NIPBL: variants seen among roughly 807,000 people sequenced by gnomAD.
NIPBL encodes NIPBL cohesin loading factor.
NIPBL carries 19 observed loss-of-function variants against 321.8 expected under a neutral mutation model. The ratio of observed to expected loss-of-function variants is 0.06; its 90% CI spans 0.04 to 0.09. The LOEUF is 0.09. Among genes scored for constraint, NIPBL ranks in the 10% least tolerant of loss-of-function variants. The probability of loss-of-function intolerance (pLI) is 1.00; values close to 1 mark genes in which losing one functional copy is unlikely to be tolerated. For missense variants in NIPBL, 2,210 were observed against 3,327.0 expected, an observed-to-expected ratio of 0.66 and a Z score of 8.26; for synonymous variants, 1,106 against 1,114.1, an observed-to-expected ratio of 0.99 and a Z score of 0.14.
chr5:37,059,150 G>C lies in NIPBL; in HGVS notation c.7670G>C (p.Cys2557Ser). 6.2e-7 allele frequency: 1 copy of C among 1,614,120 alleles called. No homozygotes were observed. Among genetic ancestry groups the C allele is most frequent in the Non-Finnish European group, 8.5e-7 (1 of 1,180,008 alleles). The change falls in exon 44 of 47, where the codon TGT becomes TCT. Residue 2557 changes from cysteine to serine, a missense_variant. Physicochemically the swap from Cys to Ser is moderately radical, Grantham distance 112. Coordinates refer to ENST00000282516, the MANE Select transcript of NIPBL (RefSeq NM_133433.4). The stretch of plus-strand genomic sequence containing the variant: ...TTAAAACAACATTTGAAGAATCTTT[G>C]TGGATTTTCTGATAGGTAAGGTTAC... ...LMLKQHLKNL[C>S]GFSDSKIQKY... is the part of the protein sequence containing the mutation.
chr5:37,006,417 A>C lies in NIPBL; in HGVS notation c.3916A>C (p.Lys1306Gln), dbSNP rs770047320. 2 of 1,612,976 alleles carry C rather than the reference A, an allele frequency of 1.2e-6. No individual in the cohort carries two copies. The highest frequency in any genetic ancestry group is 1.7e-6 in the Non-Finnish European group (2 of 1,179,112). Residue 1306 changes from lysine to glutamine, a missense_variant, in exon 17 of 47, where the codon AAA becomes CAA. Lys to Gln is a moderately conservative substitution (Grantham distance 53, BLOSUM62 1). Around this residue, in one of 14 missense-constraint regions of NIPBL, gnomAD observed 381 missense variants for 642.3 expected, o/e 0.59. Transcript: ENST00000282516. ...AGACCTTATTATGGAGAGAGTTACA[A>C]AATCAGCGGATGCTTGTCTTACAAC... is the stretch of plus-strand genomic sequence containing the variant. Reference protein sequence around the residue: ...WRDLIMERVTKSADACLTTIN... With the variant: ...WRDLIMERVTQSADACLTTIN...
In NIPBL at chr5:36,962,171, G is replaced by A; in HGVS notation, c.507G>A (p.Gln169=). 6.2e-7 allele frequency: 1 copy of A among 1,614,080 alleles called. No homozygotes were observed. Among genetic ancestry groups the A allele is most frequent in the Non-Finnish European group, 8.5e-7 (1 of 1,179,992 alleles). The change falls in exon 6 of 47, where the codon CAG becomes CAA. Residue 169 remains glutamine (Q), a synonymous_variant. Coordinates refer to ENST00000282516, the MANE Select transcript of NIPBL (RefSeq NM_133433.4). ...QTSSGNRFMP[Q]QNSPVPSPYA... is the part of the protein sequence containing the mutation. Reference sequence around the variant, plus strand: ...GCTCTGGGAACAGATTTATGCCACAGCAAAATAGCCCAGTGCCTAGTCCAT... The same window carrying A: ...GCTCTGGGAACAGATTTATGCCACAACAAAATAGCCCAGTGCCTAGTCCAT...
intron 1 of NIPBL, among the ~76,000 whole-genome samples, chr5:36,922,151 G>C (rs1193281359): frequency 1.3e-5 from 2 of 152,204 alleles, no homozygotes; most frequent in East Asian, 3.9e-4. Context: ...GCCTCCCAAA[G>C]TGTTGAGATT....
At chr5:36,922,161 T>C (rs2149559968) in intron 1 of NIPBL, among the ~76,000 whole-genome samples, 1 of 152,282 alleles carries the variant, frequency 6.6e-6, no homozygotes, top group East Asian at 1.9e-4. Context: ...GTGTTGAGAT[T>C]ACAGGCATGA....
Position 36,985,404 on chromosome 5 carries a change from A to C in NIPBL, c.2224A>C (p.Ser742Arg), listed in dbSNP as rs749213303. 73 of 1,613,560 alleles carry C rather than the reference A, an allele frequency of 4.5e-5. No homozygotes were observed. The highest frequency in any genetic ancestry group is 6.0e-5 in the Non-Finnish European group (71 of 1,179,944). ...TGAAACTCCAAAGCAAAAAGGTGAGAGCCGCCCTGAAACTCCAAAGCAAAA... is the reference window on the plus strand; with the variant it reads ...TGAAACTCCAAAGCAAAAAGGTGAGCGCCGCCCTGAAACTCCAAAGCAAAA... ...RPETPKQKGE[S>R]RPETPKQKNE... The change falls in exon 10 of 47, where the codon AGC becomes CGC. Residue 742 changes from serine (S) to arginine (R), a missense_variant. Around this residue, in one of 14 missense-constraint regions of NIPBL, gnomAD observed 588 missense variants for 564.1 expected, o/e 1.04. Coordinates refer to ENST00000282516, the MANE Select transcript of NIPBL (RefSeq NM_133433.4).
rs1747744951 is a variant in NIPBL, at chr5:36,907,709, A to G, written c.-80+30531A>G. Reference sequence around the variant, plus strand: ...TTATCTGCAGTCCACAATATTTATAATGTGCATATGTTACCTTTACAATAA... The same window carrying G: ...TTATCTGCAGTCCACAATATTTATAGTGTGCATATGTTACCTTTACAATAA... On this transcript the variant is annotated intron_variant, in intron 1 of 46. Coordinates refer to ENST00000282516, the MANE Select transcript of NIPBL (RefSeq NM_133433.4). Among the ~76,000 whole-genome samples the G allele has an allele frequency of 3.3e-5, 5 of 152,314 alleles. No individual in the cohort carries two copies. The South Asian group carries it at 1.0e-3, about 32-fold the overall frequency.
At chr5:37,029,354 AC>A (rs1750691986) in intron 32 of NIPBL, among the ~76,000 whole-genome samples, 18 of 152,192 alleles carry the variant, frequency 1.2e-4, no homozygotes, top group Middle Eastern at 3.4e-3. Flanking sequence ...CTTGTGTTTG[AC>A]TTTTTAAACT....
intron 1 of NIPBL, among the ~76,000 whole-genome samples, chr5:36,922,038 C>T (rs2149559825): frequency 6.6e-6 from 1 of 152,056 alleles, no homozygotes; most frequent in East Asian, 1.9e-4. Context: ...AGGCTCCCAC[C>T]ACCACGCCTG....
chr5:37,007,251 C>A (rs1747546442), intron 17 of NIPBL, 72 bp from the exon 18 acceptor site: 1 of 1,328,938 alleles, frequency 7.5e-7, no homozygotes, highest in Non-Finnish European at 1.1e-6. Context: ...ATTCAAAAAA[C>A]AGTTTGAGTA....
At chr5:36,923,118 ATTTTTGTAATTTTG>A (rs1386681977) in intron 1 of NIPBL, among the ~76,000 whole-genome samples, 1 of 152,070 alleles carries the variant, frequency 6.6e-6, no homozygotes, top group African/African-American at 2.4e-5. Flanking sequence ...AAATTACAAA[ATTTTTGTAATTTTG>A]TACTAAAAAT....
chr5:36,889,250 A>G (rs1347892780), intron 1 of NIPBL, among the ~76,000 whole-genome samples: 2 of 152,128 alleles, frequency 1.3e-5, no homozygotes, highest in African/African-American at 4.8e-5. Context: ...TTATCTGGAC[A>G]ATAAGGTTTG....
chr5:37,045,125 G>A (rs185737095), intron 36 of NIPBL, among the ~76,000 whole-genome samples: 2 of 152,194 alleles, frequency 1.3e-5, no homozygotes, highest in Non-Finnish European at 2.9e-5. Context: ...GCCACGGCGG[G>A]TGGATTACCT....
chr5:36,985,766 A>T lies in NIPBL; in HGVS notation c.2586A>T (p.Lys862Asn). 6.2e-7 allele frequency: 1 copy of T among 1,613,886 alleles called. No individual in the cohort carries two copies. Among genetic ancestry groups the T allele is most frequent in the Non-Finnish European group, 8.5e-7 (1 of 1,179,938 alleles). ...NEHGIKSDSS[K>N]TDKLERKHRH... ...ATGGCATTAAATCTGATAGTTCAAA[A>T]ACTGATAAACTAGAACGAAAACACA... Residue 862 changes from lysine to asparagine, a missense_variant, in exon 10 of 47, where the codon AAA becomes AAT. Physicochemically the swap from Lys to Asn is moderately conservative, Grantham distance 94 (BLOSUM62 0). This residue lies in a region of NIPBL where 588 missense variants were observed against 564.1 expected (regional missense o/e 1.04). Coordinates refer to ENST00000282516, the MANE Select transcript of NIPBL (RefSeq NM_133433.4).
intron 1 of NIPBL, among the ~76,000 whole-genome samples, chr5:36,938,426 A>G (rs1052133254): frequency 2.0e-5 from 3 of 152,186 alleles, no homozygotes; most frequent in Non-Finnish European, 2.9e-5. Context: ...ATGGAGCAAA[A>G]TGTAAGCAAC....
rs778597604 is a variant in NIPBL, at chr5:36,952,053, T to TGTGTGCGCGC, written c.-79-1564_-79-1563insTGTGCGCGCG. Among the ~76,000 whole-genome samples the TGTGTGCGCGC allele has an allele frequency of 6.7e-3, 746 of 112,134 alleles. 7 individuals carry two copies. Among genetic ancestry groups the TGTGTGCGCGC allele is most frequent in the Non-Finnish European group, 0.011 (591 of 53,626 alleles). 73.6% of individuals were successfully genotyped at this position (112,134 alleles called of 152,430 possible). On this transcript the variant is annotated intron_variant, in intron 1 of 46. Transcript: ENST00000282516. Reference sequence around the variant, plus strand: ...GTGTGTGTGTGTGTGTGTGTGTGTGTGCGCGCGCGCGCGCGCGCGCATGTG... The same window carrying TGTGTGCGCGC: ...GTGTGTGTGTGTGTGTGTGTGTGTGTGTGTGCGCGCGCGCGCGCGCGCGCGCGCGCATGTG...
At chr5:37,037,896 T>G (rs1751889508) in intron 33 of NIPBL, among the ~76,000 whole-genome samples, 1 of 152,016 alleles carries the variant, frequency 6.6e-6, no homozygotes, top group Non-Finnish European at 1.5e-5. Context: ...TTTAACATTC[T>G]TCTACTGCAA....
intron 8 of NIPBL, among the ~76,000 whole-genome samples, chr5:36,972,634 A>G (rs1372408420): frequency 1.3e-5 from 2 of 152,144 alleles, no homozygotes; most frequent in Non-Finnish European, 2.9e-5. Flanking sequence ...TTTCCAGACA[A>G]AACTTCCTTC....
chr5:36,907,249 T>C (rs1309284327), intron 1 of NIPBL, among the ~76,000 whole-genome samples: 5 of 152,288 alleles, frequency 3.3e-5, no homozygotes, highest in Middle Eastern at 3.4e-3. Context: ...GACTTAGTTG[T>C]TGCGATGTCT....
At chr5:36,934,766 G>A (rs1750032150) in intron 1 of NIPBL, among the ~76,000 whole-genome samples, 1 of 152,082 alleles carries the variant, frequency 6.6e-6, no homozygotes, top group South Asian at 2.1e-4. Context: ...AACTTTCAGA[G>A]GCCATGGAAA....
Sources: allele counts gnomAD v4.1 joint callset (sites outside exome capture counted in the v4.1 genomes callset), GRCh38; gene constraint gnomAD v4.1.1; regional missense constraint gnomAD v4.1.1; transcripts MANE v1.5; gene names NCBI Gene and HGNC (gene_info 2026-07-23, HGNC 2026-07-21).